Variants in RGS6 observed in about 807,000 individuals in gnomAD.
RGS6 encodes regulator of G-protein signaling 6.
Under a neutral mutation model 78.5 loss-of-function variants are expected in RGS6, and 30 were observed. The observed-to-expected ratio is 0.38, with a 90% confidence interval of 0.29 to 0.52. RGS6 has a LOEUF of 0.52. Ranked by LOEUF, RGS6 falls within the 20% of genes least tolerant of loss-of-function variation. RGS6 has a pLI of 0.85. For missense variants in RGS6, 495 were observed against 609.7 expected (o/e 0.81, Z 1.98); for synonymous variants, 206 against 206.0 (o/e 1.00, Z 0.00).
chr14:72,622,595 G>A, the RGS6 span, among the ~76,000 whole-genome samples: 7 of 152,082 alleles, frequency 4.6e-5, no homozygotes, highest in East Asian at 1.4e-3. Flanking sequence ...AGGAAAACTA[G>A]GCATCTGAGA....
At chr14:72,409,340 A>G (rs1488035821) in intron 3 of RGS6, among the ~76,000 whole-genome samples, 1 of 152,176 alleles carries the variant, frequency 6.6e-6, no homozygotes, top group Non-Finnish European at 1.5e-5. Context: ...AGACAAAGAA[A>G]ACATATTTGA....
intron 3 of RGS6, among the ~76,000 whole-genome samples, chr14:72,366,064 T>C (rs769148): frequency 0.43 from 65,283 of 152,002 alleles, 16,636 homozygotes; most frequent in African/African-American, 0.71. Flanking sequence ...CTGGGAACTA[T>C]AATTTTCACA....
chr14:72,433,931 T>C (rs749855748), intron 3 of RGS6, among the ~76,000 whole-genome samples: 15 of 152,254 alleles, frequency 9.9e-5, no homozygotes, highest in Non-Finnish European at 1.9e-4. Flanking sequence ...GTAAGCCCTA[T>C]GTAAATGTTT....
chr14:71,981,515 G>C (rs12891702), intron 2 of RGS6, among the ~76,000 whole-genome samples: 1 of 141,080 alleles, frequency 7.1e-6, no homozygotes, highest in Non-Finnish European at 1.6e-5. Flanking sequence ...TGGAATACCC[G>C]GCCGTGTGAG....
intron 2 of RGS6, among the ~76,000 whole-genome samples, chr14:72,121,732 C>A (rs904340186): frequency 4.6e-5 from 7 of 152,072 alleles, no homozygotes; most frequent in African/African-American, 1.7e-4. Context: ...GAGTCCTGGG[C>A]TACACTGCCC....
intron 13 of RGS6, among the ~76,000 whole-genome samples, chr14:72,497,807 CTCTT>C (rs1197764983): frequency 6.6e-6 from 1 of 152,032 alleles, no homozygotes; most frequent in Admixed American, 6.5e-5. Flanking sequence ...AAGAACTTAA[CTCTT>C]TCTTTAACTC....
the RGS6 span, among the ~76,000 whole-genome samples, chr14:72,579,706 G>T: frequency 6.6e-6 from 1 of 152,286 alleles, no homozygotes; most frequent in Admixed American, 6.5e-5. Context: ...GACAGCAAAG[G>T]GTGTTGGCCC....
intron 3 of RGS6, among the ~76,000 whole-genome samples, chr14:72,396,814 T>C (rs890762161): frequency 6.6e-6 from 1 of 152,366 alleles, no homozygotes; most frequent in Admixed American, 6.5e-5. Flanking sequence ...CCTTTCCCCA[T>C]TTCTTCTTTT....
chr14:72,391,393 C>T (rs1218466024), intron 3 of RGS6, among the ~76,000 whole-genome samples: 1 of 152,178 alleles, frequency 6.6e-6, no homozygotes, highest in African/African-American at 2.4e-5. Context: ...CATCCATCAT[C>T]GTATGTGAGT....
intron 2 of RGS6, among the ~76,000 whole-genome samples, chr14:72,197,831 T>A (rs1215467080): frequency 6.6e-6 from 1 of 152,132 alleles, no homozygotes; most frequent in Admixed American, 6.5e-5. Context: ...CCTTCAGGGA[T>A]CACTGGGGAA....
intron 17 of RGS6, chr14:72,541,123 C>G: frequency 7.3e-7 from 1 of 1,366,034 alleles, no homozygotes; most frequent in African/African-American, 1.5e-5. Context: ...GGGTCCCATG[C>G]AGGGAGCTGG....
At chr14:72,103,671 T>A (rs754492819) in intron 2 of RGS6, among the ~76,000 whole-genome samples, 1 of 152,232 alleles carries the variant, frequency 6.6e-6, no homozygotes, top group Admixed American at 6.5e-5. Context: ...GAAAGGTTTC[T>A]TACCCAGATT....
chr14:72,553,447 T>C (rs2097532658), intron 17 of RGS6: 1 of 152,550 alleles, frequency 6.6e-6, no homozygotes, highest in Admixed American at 6.5e-5. Flanking sequence ...GATCTGTTTG[T>C]CCATGGCATC....
intron 2 of RGS6, among the ~76,000 whole-genome samples, chr14:72,053,505 CTACCCT>C (rs2093453992): frequency 6.6e-6 from 1 of 152,132 alleles, no homozygotes. Context: ...TATCCTGATC[CTACCCT>C]CCAGATTCTG....
chr14:72,345,060 C>T (rs1004041193), intron 2 of RGS6, among the ~76,000 whole-genome samples: 1 of 152,178 alleles, frequency 6.6e-6, no homozygotes, highest in Non-Finnish European at 1.5e-5. Context: ...AGTCATGTGA[C>T]CCTGCTCTGG....
intron 2 of RGS6, among the ~76,000 whole-genome samples, chr14:72,167,052 AT>A (rs33942230): frequency 0.73 from 111,219 of 151,842 alleles, 40,826 homozygotes; most frequent in East Asian, 0.91. Context: ...CAAATAAGTC[AT>A]TTTTTTTTCA....
At chr14:71,919,935 A>G in the RGS6 span, among the ~76,000 whole-genome samples, 2 of 152,194 alleles carry the variant, frequency 1.3e-5, no homozygotes, top group South Asian at 2.1e-4. Context: ...TGGAGGTCGC[A>G]GTGATCAGAG....
At chr14:72,148,206 C>A (rs1194845490) in intron 2 of RGS6, among the ~76,000 whole-genome samples, 3 of 147,010 alleles carry the variant, frequency 2.0e-5, no homozygotes, top group African/African-American at 7.6e-5. Context: ...CCAGCCTGGG[C>A]AACATAGCAA....
At chr14:72,286,013 T>G (rs936143616) in intron 2 of RGS6, among the ~76,000 whole-genome samples, 2 of 152,230 alleles carry the variant, frequency 1.3e-5, no homozygotes, top group Admixed American at 6.5e-5. Context: ...GCTTTTTAAT[T>G]TGATGTAGTC....
Sources: allele counts gnomAD v4.1 joint callset (sites outside exome capture counted in the v4.1 genomes callset), GRCh38; gene constraint gnomAD v4.1.1; transcripts MANE v1.5; gene names NCBI Gene and HGNC (gene_info 2026-07-23, HGNC 2026-07-21).